The following NMU variants were observed in gnomAD, a reference collection of about 807,000 sequenced individuals.
NMU encodes neuromedin U.
NMU carries 29 observed loss-of-function variants against 35.4 expected under a neutral mutation model. That is an observed-to-expected ratio of 0.82 (90% CI 0.61 to 1.12). NMU has a LOEUF of 1.12. Ranked by LOEUF, NMU falls within the 50% of genes most tolerant of loss-of-function variation. The pLI, the probability that NMU is intolerant of heterozygous loss-of-function variation, is 0.00. For missense variants in NMU, 199 were observed against 206.2 expected (o/e 0.97, Z 0.21); for synonymous variants, 78 against 81.3 (o/e 0.96, Z 0.22).
At chr4:55,612,894 A>G (rs1733991981) in intron 3 of NMU, among the ~76,000 whole-genome samples, 1 of 152,250 alleles carries the variant, frequency 6.6e-6, no homozygotes, top group Non-Finnish European at 1.5e-5. Context: ...ATAAGATAAT[A>G]GTATATGTGA....
intron 6 of NMU, among the ~76,000 whole-genome samples, chr4:55,606,847 T>G (rs1733701040): frequency 6.6e-6 from 1 of 152,004 alleles, no homozygotes; most frequent in South Asian, 2.1e-4. Context: ...CTGGCTAATT[T>G]TTGTATTTTT....
chr4:55,634,373 G>T (rs146081983), intron 1 of NMU, among the ~76,000 whole-genome samples: 78 of 152,292 alleles, frequency 5.1e-4, no homozygotes, highest in Non-Finnish European at 1.5e-5. Context: ...GGTAGTAAAA[G>T]AAGTATCTCA....
Position 55,612,792 on chromosome 4 carries a change from A to G in NMU, c.219+3546T>C, listed in dbSNP as rs139615570. Among the ~76,000 whole-genome samples, 1,005 of 152,346 alleles carry G rather than the reference A, an allele frequency of 6.6e-3. 11 individuals carry two copies. The highest frequency in any genetic ancestry group is 0.023 in the African/African-American group (950 of 41,588). ...AAGGATTTAAATACATGAAAGTTTT[A>G]ATATCTTATTTTTAAATGTATAGAC... On this transcript the variant is annotated intron_variant, in intron 3 of 9. Transcript: ENST00000264218.
intron 3 of NMU, among the ~76,000 whole-genome samples, chr4:55,612,239 G>A (rs1452439881): frequency 6.6e-6 from 1 of 152,080 alleles, no homozygotes; most frequent in African/African-American, 2.4e-5. Flanking sequence ...ACACAAAATT[G>A]TTTTCTTTTA....
chr4:55,632,970 GAAAAA>G (rs57903053), intron 1 of NMU, among the ~76,000 whole-genome samples: 16 of 121,458 alleles, frequency 1.3e-4, no homozygotes, highest in African/African-American at 3.0e-4. Context: ...TTTCACTGTG[GAAAAA>G]AAAAAAAAAG....
intron 1 of NMU, among the ~76,000 whole-genome samples, chr4:55,630,880 T>C (rs1048732305): frequency 2.6e-5 from 4 of 152,124 alleles, no homozygotes; most frequent in African/African-American, 9.7e-5. Flanking sequence ...AAAGCAATAC[T>C]AAGCAAAAAG....
chr4:55,596,504 T>C (rs976864121), intron 9 of NMU, among the ~76,000 whole-genome samples: 2 of 151,956 alleles, frequency 1.3e-5, no homozygotes, highest in African/African-American at 4.8e-5. Context: ...AATTTTTAAA[T>C]GCCAATGTAC....
rs749253338 is a variant in NMU, at chr4:55,597,511, G to A, written c.*4+1631C>T. ...AGCCTCCCGAGTAGCTGGGATTACA[G>A]GCATGCACCACCACACCAGGCTAAT... On this transcript the variant is annotated intron_variant, in intron 9 of 9. Transcript: ENST00000264218. Among the ~76,000 whole-genome samples, 35 of 152,000 alleles carry A rather than the reference G, an allele frequency of 2.3e-4. 1 individual carries two copies. The highest frequency in any genetic ancestry group is 4.6e-4 in the Non-Finnish European group (31 of 68,006).
intron 4 of NMU, among the ~76,000 whole-genome samples, 165 bp from the exon 5 acceptor site, chr4:55,607,631 T>G (rs1287730807): frequency 6.6e-6 from 1 of 152,138 alleles, no homozygotes; most frequent in Admixed American, 6.5e-5. Context: ...GCTCTAAAAA[T>G]AAATGGGAAA....
At chr4:55,617,171 T>C (rs1286779363) in intron 2 of NMU, among the ~76,000 whole-genome samples, 1 of 152,164 alleles carries the variant, frequency 6.6e-6, no homozygotes, top group Admixed American at 6.5e-5. Flanking sequence ...GTATTCCATC[T>C]CAGAGGCCAG....
intron 2 of NMU, among the ~76,000 whole-genome samples, chr4:55,617,621 T>G (rs1560521538): frequency 6.6e-6 from 1 of 150,968 alleles, no homozygotes; most frequent in East Asian, 1.9e-4. Context: ...ATTAAACTTG[T>G]GGGGGGGAAA....
At chr4:55,609,361 A>G (rs1733838104) in intron 3 of NMU, among the ~76,000 whole-genome samples, 182 bp from the exon 4 acceptor site, 1 of 150,162 alleles carries the variant, frequency 6.7e-6, no homozygotes, top group Non-Finnish European at 1.5e-5. Flanking sequence ...TTGGCTGTAA[A>G]AGTAAAGCCT....
At chr4:55,619,869 G>A (rs975212311) in intron 2 of NMU, among the ~76,000 whole-genome samples, 3 of 130,508 alleles carry the variant, frequency 2.3e-5, no homozygotes, top group Non-Finnish European at 5.1e-5. Flanking sequence ...TGACCCCCGA[G>A]CAGCCTAACT....
intron 9 of NMU, among the ~76,000 whole-genome samples, chr4:55,595,641 A>ATTTT (rs1350425305): frequency 1.6e-5 from 1 of 63,204 alleles, no homozygotes; most frequent in African/African-American, 7.1e-5. Context: ...ATATATATAT[A>ATTTT]TATTTTTTTT....
intron 1 of NMU, among the ~76,000 whole-genome samples, chr4:55,633,101 T>TGG: frequency 6.6e-6 from 1 of 151,844 alleles, no homozygotes; most frequent in African/African-American, 2.4e-5. Flanking sequence ...AAGGCGGGCA[T>TGG]ATCACCAGGT....
intron 7 of NMU, among the ~76,000 whole-genome samples, chr4:55,603,465 G>A (rs1299879823): frequency 6.6e-6 from 1 of 151,934 alleles, no homozygotes; most frequent in East Asian, 1.9e-4. Context: ...AATACGATCT[G>A]GGGAAACTCC....
intron 3 of NMU, among the ~76,000 whole-genome samples, chr4:55,613,666 C>T (rs886538665): frequency 6.6e-6 from 1 of 152,022 alleles, no homozygotes; most frequent in Non-Finnish European, 1.5e-5. Flanking sequence ...CTGAGTGTGG[C>T]CCCCCACATT....
intron 3 of NMU, among the ~76,000 whole-genome samples, chr4:55,612,378 C>T (rs918819648): frequency 7.9e-5 from 12 of 152,162 alleles, no homozygotes; most frequent in African/African-American, 2.9e-4. Flanking sequence ...CCAGCCTGGG[C>T]GACAGAGTGA....
Position 55,609,153 on chromosome 4 carries a change from G to A in NMU, c.246C>T (p.Cys82=), listed in dbSNP as rs1243966898. The change falls in exon 4 of 10, where the codon TGC becomes TGT. Residue 82 remains cysteine (C), a synonymous_variant. Coordinates refer to ENST00000264218, the MANE Select transcript of NMU (RefSeq NM_006681.4). Reference sequence around the variant, plus strand: ...TTGGTAGCATTCCCATAATCATAAAGCAAAGCTCCTCCAGTGCGTTGGATG... The same window carrying A: ...TTGGTAGCATTCCCATAATCATAAAACAAAGCTCCTCCAGTGCGTTGGATG... The part of the protein sequence containing the change: ...PQASNALEEL[C]FMIMGMLPKP... 6.2e-7 allele frequency: 1 copy of A among 1,613,214 alleles called. No individual in the cohort carries two copies. Among genetic ancestry groups the A allele is most frequent in the Non-Finnish European group, 8.5e-7 (1 of 1,179,374 alleles).
Sources: allele counts gnomAD v4.1 joint callset (sites outside exome capture counted in the v4.1 genomes callset), GRCh38; gene constraint gnomAD v4.1.1; transcripts MANE v1.5; gene names NCBI Gene and HGNC (gene_info 2026-07-23, HGNC 2026-07-21).